Variants in DMD observed in about 807,000 individuals in gnomAD.
DMD encodes the protein mutant dystrophin.
Under a neutral mutation model 330.1 loss-of-function variants are expected in DMD, and 63 were observed. The ratio of observed to expected loss-of-function variants is 0.19; its 90% CI spans 0.16 to 0.24. DMD has a LOEUF of 0.24. Ranked by LOEUF, DMD falls within the 10% of genes least tolerant of loss-of-function variation. The pLI, the probability that DMD is intolerant of heterozygous loss-of-function variation, is 1.00. For missense variants in DMD, 3,344 were observed against 2,684.1 expected, an observed-to-expected ratio of 1.25 and a Z score of -5.43; for synonymous variants, 1,223 against 959.8, an observed-to-expected ratio of 1.27 and a Z score of -5.07.
intron 44 of DMD, among the ~76,000 whole-genome samples, chrX:32,149,445 G>A (rs1211737531): frequency 8.9e-6 from 1 of 112,102 alleles, no homozygotes; most frequent in Non-Finnish European, 1.9e-5. Flanking sequence ...TATGAGATAA[G>A]TAGCATTATT....
chrX:32,369,504 G>A lies in DMD; in HGVS notation c.4846-4305C>T, dbSNP rs888254539. The stretch of plus-strand genomic sequence containing the variant: ...TTGGTCTCTGCTGATTATACCATCA[G>A]CATTTTTCATTATTTTTATTTAATG... On this transcript the variant is annotated intron_variant, in intron 34 of 78. Coordinates refer to ENST00000357033, the MANE Select transcript of DMD (RefSeq NM_004006.3). Among the ~76,000 whole-genome samples, 4 of 111,359 alleles carry A rather than the reference G, an allele frequency of 3.6e-5. No homozygotes were observed. In the East Asian group the frequency reaches 1.1e-3, roughly 32 times the overall value.
chrX:31,963,959 G>A (rs1206743481), intron 45 of DMD, among the ~76,000 whole-genome samples: 1 of 110,217 alleles, frequency 9.1e-6, no homozygotes, highest in East Asian at 2.9e-4. Context: ...GAAAAAATGT[G>A]ACATTATAAT....
chrX:31,761,748 GT>G (rs1322726879), intron 51 of DMD, among the ~76,000 whole-genome samples: 1 of 112,260 alleles, frequency 8.9e-6, no homozygotes, highest in Non-Finnish European at 1.9e-5. Flanking sequence ...GAATAATAGA[GT>G]TTTTTCTCCA....
At chrX:32,438,626 A>G (rs1433667786) in intron 28 of DMD, among the ~76,000 whole-genome samples, 1 of 111,798 alleles carries the variant, frequency 8.9e-6, no homozygotes, top group Non-Finnish European at 1.9e-5. Context: ...TTAAAACTTG[A>G]TTCACAACCA....
At chrX:31,484,783 A>G (rs951579299) in intron 57 of DMD, among the ~76,000 whole-genome samples, 6 of 112,006 alleles carry the variant, frequency 5.4e-5, no homozygotes, top group African/African-American at 9.7e-5. Context: ...CTGATTGTTG[A>G]CTCACTAATT....
At chrX:31,216,116 G>A (rs898755722) in intron 64 of DMD, among the ~76,000 whole-genome samples, 10 of 112,250 alleles carry the variant, frequency 8.9e-5, no homozygotes, top group African/African-American at 3.2e-4. Context: ...GAGATACCTG[G>A]CCAGGTAGAA....
rs769790829 is a variant in DMD, at chrX:31,359,848, T to C, written c.9085-11214A>G. 3.6e-5 allele frequency among the ~76,000 whole-genome samples: 4 copies of C among 111,930 alleles called. No homozygotes were observed. The East Asian group carries it at 1.1e-3, about 31-fold the overall frequency. Reference sequence around the variant, plus strand: ...GAATGAGATGTTGTAATGTGCACAGTTGGAGAGACCACTTTCTGGCACTCG... The same window carrying C: ...GAATGAGATGTTGTAATGTGCACAGCTGGAGAGACCACTTTCTGGCACTCG... On this transcript the variant is annotated intron_variant, in intron 60 of 78. Transcript: ENST00000357033.
At position 32,314,623 on chromosome X, in the gene DMD, A is replaced by G. The variant is rs748400340; in HGVS notation, c.5923-4347T>C. ...ACAGGCAACCTACAGAATGAGAGAA[A>G]ACTTTTGCAATCTATCCATCTGACA... On this transcript the variant is annotated intron_variant, in intron 41 of 78. Coordinates refer to ENST00000357033, the MANE Select transcript of DMD (RefSeq NM_004006.3). Among the ~76,000 whole-genome samples the G allele has an allele frequency of 3.0e-4, 34 of 111,563 alleles. 1 individual carries two copies. Among genetic ancestry groups the G allele is most frequent in the Non-Finnish European group, 5.5e-4 (29 of 53,090 alleles).
At chrX:32,836,656 C>A (rs1399569387) in intron 4 of DMD, among the ~76,000 whole-genome samples, 1 of 111,518 alleles carries the variant, frequency 9.0e-6, no homozygotes, top group Non-Finnish European at 1.9e-5. Flanking sequence ...TTCAAACTCT[C>A]AGTACAGCCT....
chrX:31,552,453 G>A (rs1300122760), intron 55 of DMD, among the ~76,000 whole-genome samples: 2 of 111,980 alleles, frequency 1.8e-5, no homozygotes, highest in African/African-American at 6.5e-5. Flanking sequence ...GATTACAAGT[G>A]TGAGCCACCA....
At chrX:32,867,479 A>G (rs1305818351) in intron 2 of DMD, among the ~76,000 whole-genome samples, 1 of 112,268 alleles carries the variant, frequency 8.9e-6, no homozygotes, top group Non-Finnish European at 1.9e-5. Flanking sequence ...CTATGAGAAA[A>G]TCTTAATAGG....
chrX:31,258,946 G>T (rs2050238831), intron 63 of DMD, among the ~76,000 whole-genome samples: 1 of 76,882 alleles, frequency 1.3e-5, no homozygotes, highest in Non-Finnish European at 2.4e-5. Context: ...TTACTTTCCA[G>T]TGGAAAAAAA....
intron 64 of DMD, among the ~76,000 whole-genome samples, chrX:31,210,895 T>C (rs1272290724): frequency 1.8e-5 from 2 of 112,340 alleles, no homozygotes; most frequent in Non-Finnish European, 3.8e-5. Context: ...TCCACCTATA[T>C]TGCGCACACA....
intron 52 of DMD, among the ~76,000 whole-genome samples, chrX:31,688,050 T>G (rs1263542946): frequency 9.0e-6 from 1 of 110,680 alleles, no homozygotes; most frequent in Non-Finnish European, 1.9e-5. Context: ...TTTCTGGATC[T>G]TGTAGGCAGA....
At chrX:32,288,687 T>C (rs993643396) in intron 42 of DMD, among the ~76,000 whole-genome samples, 2 of 111,859 alleles carry the variant, frequency 1.8e-5, no homozygotes, top group Non-Finnish European at 3.8e-5. Context: ...ACATGAAAAA[T>C]AATTATTCTT....
At chrX:31,517,961 ACAC>A (rs2072400347) in intron 55 of DMD, among the ~76,000 whole-genome samples, 1 of 105,418 alleles carries the variant, frequency 9.5e-6, no homozygotes, top group Non-Finnish European at 2.0e-5. Flanking sequence ...ACACACACAC[ACAC>A]CTTGGGGCCA....
At chrX:32,929,059 A>G (rs148688111) in intron 2 of DMD, among the ~76,000 whole-genome samples, 2,065 of 111,395 alleles carry the variant, frequency 0.019, 42 homozygotes, top group African/African-American at 0.064. Flanking sequence ...AAGCGACTTC[A>G]GGGATTTCAG....
At chrX:31,854,851 T>C (rs371941173) in intron 48 of DMD, among the ~76,000 whole-genome samples, 7 of 111,492 alleles carry the variant, frequency 6.3e-5, no homozygotes, top group African/African-American at 2.3e-4. Context: ...AGCTACCCTG[T>C]GTACTGCAGG....
At chrX:32,681,584 G>C (rs183585643) in intron 9 of DMD, among the ~76,000 whole-genome samples, 148 of 111,718 alleles carry the variant, frequency 1.3e-3, no homozygotes, top group Non-Finnish European at 2.5e-3. Flanking sequence ...AGATTCACGG[G>C]CAGCTGCTCC....
Sources: gnomAD v4.1 joint callset for allele counts (sites outside exome capture counted in the v4.1 genomes callset) on GRCh38, gnomAD v4.1.1 for gene constraint, MANE v1.5 for transcripts, NCBI Gene and HGNC (gene_info 2026-07-23, HGNC 2026-07-21) for gene names.